Variants in RUNX1 observed in about 807,000 individuals in gnomAD.
RUNX1 encodes runt-related transcription factor 1.
Under a neutral mutation model 42.8 loss-of-function variants are expected in RUNX1, and 19 were observed. The ratio of observed to expected loss-of-function variants is 0.44; its 90% CI spans 0.31 to 0.65. The LOEUF (loss-of-function observed/expected upper bound fraction) is 0.65, where lower values mean the gene tolerates loss of function less well. RUNX1 is among the 30% of genes least tolerant of loss of function. The pLI, the probability that RUNX1 is intolerant of heterozygous loss-of-function variation, is 0.07. For missense variants in RUNX1, 528 were observed against 672.0 expected (o/e 0.79, Z 2.37); for synonymous variants, 271 against 289.4 (o/e 0.94, Z 0.64).
intron 2 of RUNX1, among the ~76,000 whole-genome samples, chr21:34,971,113 C>T (rs2058760812): frequency 6.6e-6 from 1 of 152,088 alleles, no homozygotes; most frequent in African/African-American, 2.4e-5. Context: ...GTCCAAAATG[C>T]CTGGGATTAT....
In RUNX1 at chr21:34,913,501, C is replaced by T. The variant is rs573422150; in HGVS notation, c.59-20538G>A. ...AACAGTGGTTGGTGGCATCTGCAGC[C>T]TTCTGCGTCAGCTGGACACCACACG... On this transcript the variant is annotated intron_variant, in intron 2 of 8. Coordinates refer to ENST00000675419, the MANE Select transcript of RUNX1 (RefSeq NM_001754.5). Among the ~76,000 whole-genome samples, 14 of 152,328 alleles carry T rather than the reference C, an allele frequency of 9.2e-5. 1 individual carries two copies. In the South Asian group the frequency reaches 2.7e-3, roughly 29 times the overall value.
chr21:34,937,837 G>A (rs558895035), intron 2 of RUNX1, among the ~76,000 whole-genome samples: 2 of 152,272 alleles, frequency 1.3e-5, no homozygotes, highest in South Asian at 4.1e-4. Context: ...TGCCAGGCAA[G>A]GTTGAGCTTT....
chr21:34,811,381 C>A (rs1048045857), intron 7 of RUNX1, among the ~76,000 whole-genome samples: 6 of 152,226 alleles, frequency 3.9e-5, no homozygotes, highest in African/African-American at 1.4e-4. Flanking sequence ...CCTGCATCCT[C>A]TTCACCTTGT....
intron 4 of RUNX1, among the ~76,000 whole-genome samples, chr21:34,883,644 A>C (rs1399339278): frequency 1.3e-5 from 2 of 152,230 alleles, no homozygotes; most frequent in Non-Finnish European, 2.9e-5. Context: ...TGCTGGCCAA[A>C]GATATCTCAT....
chr21:34,799,488 A>G, intron 7 of RUNX1, 26 bp from the exon 8 acceptor site: 1 of 1,607,872 alleles, frequency 6.2e-7, no homozygotes, highest in Non-Finnish European at 8.5e-7. Flanking sequence ...AAGGTCAATT[A>G]TATGTAAAGT....
intron 6 of RUNX1, among the ~76,000 whole-genome samples, chr21:34,846,201 T>C (rs2057313746): frequency 1.3e-5 from 2 of 149,348 alleles, no homozygotes. Context: ...TGTCTTTTTT[T>C]TTTTTTTTTT....
At chr21:34,812,573 A>C (rs944393205) in intron 7 of RUNX1, among the ~76,000 whole-genome samples, 1 of 152,222 alleles carries the variant, frequency 6.6e-6, no homozygotes, top group African/African-American at 2.4e-5. Flanking sequence ...TTAAACTCCA[A>C]CACAGATCTC....
At chr21:34,890,890 TCCAA>T (rs2058074155) in intron 3 of RUNX1, among the ~76,000 whole-genome samples, 1 of 152,086 alleles carries the variant, frequency 6.6e-6, no homozygotes, top group African/African-American at 2.4e-5. Flanking sequence ...TCGCCTGGTC[TCCAA>T]TGCATTTCCC....
intron 2 of RUNX1, among the ~76,000 whole-genome samples, chr21:34,962,818 T>A (rs1256076865): frequency 6.6e-6 from 1 of 152,256 alleles, no homozygotes; most frequent in Non-Finnish European, 1.5e-5. Flanking sequence ...CAGTGCTCAC[T>A]TTCCTGCCTC....
intron 7 of RUNX1, among the ~76,000 whole-genome samples, chr21:34,806,444 A>G (rs2056681084): frequency 6.6e-6 from 1 of 152,258 alleles, no homozygotes; most frequent in Non-Finnish European, 1.5e-5. Flanking sequence ...CAGCATCTTT[A>G]ATATATGTCC....
chr21:34,995,143 C>T (rs1240761640), intron 2 of RUNX1, among the ~76,000 whole-genome samples: 1 of 152,232 alleles, frequency 6.6e-6, no homozygotes, highest in African/African-American at 2.4e-5. Context: ...GGACCGGCTC[C>T]TGAGCATGGC....
intron 2 of RUNX1, among the ~76,000 whole-genome samples, chr21:34,986,185 A>G (rs2058886374): frequency 6.6e-6 from 1 of 151,946 alleles, no homozygotes. Flanking sequence ...GTTTTGGCTG[A>G]TCATTTATGT....
At chr21:34,996,744 T>C (rs749336788) in intron 2 of RUNX1, among the ~76,000 whole-genome samples, 9 of 152,074 alleles carry the variant, frequency 5.9e-5, no homozygotes, top group Non-Finnish European at 8.8e-5. Flanking sequence ...TTAAAGAAAG[T>C]GTTGCCGTAA....
rs567408332 is a variant in RUNX1 at position 34,892,931 on chromosome 21, C to T, written c.91G>A (p.Val31Ile). 1.3e-6 allele frequency: 2 copies of T among 1,560,224 alleles called. No homozygotes were observed. Among genetic ancestry groups the T allele is most frequent in the Admixed American group, 1.7e-5 (1 of 59,746 alleles). Residue 31 changes from valine to isoleucine, a missense_variant, in exon 3 of 9, where the codon GTC becomes ATC. Transcript: ENST00000675419. ...AACTTGGAATTTAACATACCGTGGACGTCTCTAGAAGGATTCATTCCAAGT... is the reference window on the plus strand; with the variant it reads ...AACTTGGAATTTAACATACCGTGGATGTCTCTAGAAGGATTCATTCCAAGT... ...CILGMNPSRD[V>I]HDASTSRRFT...
At chr21:34,963,401 C>T (rs945829408) in intron 2 of RUNX1, among the ~76,000 whole-genome samples, 6 of 152,146 alleles carry the variant, frequency 3.9e-5, no homozygotes, top group South Asian at 2.1e-4. Context: ...GTTGCTGCTA[C>T]GTGAGGATGA....
At chr21:34,864,041 T>G (rs1459075766) in intron 5 of RUNX1, among the ~76,000 whole-genome samples, 1 of 152,220 alleles carries the variant, frequency 6.6e-6, no homozygotes, top group Non-Finnish European at 1.5e-5. Context: ...GTCCTTTGTA[T>G]TCTTCCAATG....
At chr21:34,927,340 T>C (rs1183684663) in intron 2 of RUNX1, among the ~76,000 whole-genome samples, 1 of 152,228 alleles carries the variant, frequency 6.6e-6, no homozygotes, top group Non-Finnish European at 1.5e-5. Flanking sequence ...GTGATTTCTC[T>C]GGACTCGCAC....
intron 2 of RUNX1, among the ~76,000 whole-genome samples, chr21:34,982,825 C>T (rs2058857743): frequency 1.3e-5 from 2 of 152,176 alleles, no homozygotes; most frequent in African/African-American, 2.4e-5. Flanking sequence ...GCCTTGGCCT[C>T]CCAAAGTGCT....
At chr21:34,999,515 C>A (rs1204732198) in intron 2 of RUNX1, among the ~76,000 whole-genome samples, 4 of 152,194 alleles carry the variant, frequency 2.6e-5, no homozygotes, top group Non-Finnish European at 5.9e-5. Context: ...TTCCAAACTC[C>A]TTCCAGAATG....
Sources: gnomAD v4.1 joint callset for allele counts (sites outside exome capture counted in the v4.1 genomes callset) on GRCh38, gnomAD v4.1.1 for gene constraint, MANE v1.5 for transcripts, NCBI Gene and HGNC (gene_info 2026-07-23, HGNC 2026-07-21) for gene names.